The following ACTN1 variants were observed in gnomAD, a reference collection of about 807,000 sequenced individuals.
The protein encoded by ACTN1 is actinin alpha 1.
ACTN1 carries 30 observed loss-of-function variants against 119.6 expected under a neutral mutation model. That is an observed-to-expected ratio of 0.25 (90% CI 0.19 to 0.34). The LOEUF (loss-of-function observed/expected upper bound fraction) is 0.34, where lower values mean the gene tolerates loss of function less well. Ranked by LOEUF, ACTN1 falls within the 10% of genes least tolerant of loss-of-function variation. ACTN1 has a pLI of 1.00. For missense variants in ACTN1, 764 were observed against 1,223.4 expected, an observed-to-expected ratio of 0.62 and a Z score of 5.60; for synonymous variants, 429 against 472.6, an observed-to-expected ratio of 0.91 and a Z score of 1.20.
chr14:68,935,689 G>C (rs2035469479), intron 1 of ACTN1, among the ~76,000 whole-genome samples: 1 of 152,078 alleles, frequency 6.6e-6, no homozygotes. Context: ...CCCGGCTAGA[G>C]CGCTCTATTC....
chr14:68,884,396 G>A, intron 13 of ACTN1, 88 bp from the exon 14 acceptor site: 1 of 1,464,868 alleles, frequency 6.8e-7, no homozygotes. Context: ...TGAGCCCCAG[G>A]TCTAGAAGCA....
chr14:68,882,841 T>C lies in ACTN1; in HGVS notation c.1818+32A>G, dbSNP rs550781697. ...CAAAAATCCCTGCCTTTATGAAACTTACAATGGCTCGGCCCATGCCCTTCA... is the reference window on the plus strand; with the variant it reads ...CAAAAATCCCTGCCTTTATGAAACTCACAATGGCTCGGCCCATGCCCTTCA... On this transcript the variant is annotated intron_variant, in intron 15 of 21. Transcript: ENST00000394419. This position sits in a 1 kb window ranked among gnomAD's most constrained non-coding sequence, Gnocchi z 4.5. 1.3e-6 allele frequency: 2 copies of C among 1,599,756 alleles called. No individual in the cohort carries two copies. Among genetic ancestry groups the C allele is most frequent in the South Asian group, 2.2e-5 (2 of 90,442 alleles).
intron 6 of ACTN1, among the ~76,000 whole-genome samples, chr14:68,906,262 T>C (rs11623410): frequency 0.15 from 23,254 of 152,166 alleles, 1,997 homozygotes; most frequent in Non-Finnish European, 0.19. Context: ...TACCAGTTAT[T>C]GTATAAGTTT....
chr14:68,945,449 C>T (rs1024197856), intron 1 of ACTN1, among the ~76,000 whole-genome samples: 2 of 152,132 alleles, frequency 1.3e-5, no homozygotes, highest in Non-Finnish European at 2.9e-5. Context: ...CTGAGTTGGG[C>T]TGGGAGTGCC....
chr14:68,935,124 G>A (rs1290443950), intron 1 of ACTN1, among the ~76,000 whole-genome samples: 1 of 152,092 alleles, frequency 6.6e-6, no homozygotes, highest in Non-Finnish European at 1.5e-5. Flanking sequence ...TCAGGTTCAA[G>A]CTATTCTCCT....
intron 1 of ACTN1, among the ~76,000 whole-genome samples, chr14:68,950,292 CTCAA>C (rs1252811856): frequency 2.5e-5 from 1 of 40,558 alleles, no homozygotes; most frequent in African/African-American, 2.4e-4. Flanking sequence ...GAGTTGTTGT[CTCAA>C]AAAAAAAAAA....
intron 1 of ACTN1, among the ~76,000 whole-genome samples, chr14:68,969,398 C>G (rs1466746609): frequency 6.6e-6 from 1 of 152,156 alleles, no homozygotes; most frequent in Non-Finnish European, 1.5e-5. Flanking sequence ...TCCTGCATCT[C>G]CCAGCTCCCA....
chr14:68,905,921 T>G (rs1256279335), intron 6 of ACTN1, among the ~76,000 whole-genome samples: 13 of 148,414 alleles, frequency 8.8e-5, no homozygotes, highest in Admixed American at 6.1e-4. Context: ...AGGCAGAGGT[T>G]GCAATGAGCC....
At chr14:68,978,674 T>G in intron 1 of ACTN1, 2 of 315,468 alleles carry the variant, frequency 6.3e-6, no homozygotes, top group Non-Finnish European at 5.8e-6. Flanking sequence ...AGCCGCAGGG[T>G]GGCCTGGACC....
At chr14:68,875,210 A>T in intron 21 of ACTN1, 193 bp from the exon 22 acceptor site, 2 of 1,442,780 alleles carry the variant, frequency 1.4e-6, no homozygotes, top group East Asian at 2.5e-5. Context: ...ATGTATTTTT[A>T]AAATTCTCTC....
chr14:68,880,702 T>A lies in ACTN1; in HGVS notation c.2133+108A>T, dbSNP rs2140073811. On this transcript the variant is annotated intron_variant, in intron 17 of 21. Transcript: ENST00000394419. This position sits in a 1 kb window ranked among gnomAD's most constrained non-coding sequence, Gnocchi z 4.6. ...AGATGTGAGGCTTCAGGGGTGAAGT[T>A]AATTTATCCTCCAACTATGACCTGT... The A allele has an allele frequency of 4.2e-6, 5 of 1,194,754 alleles. No individual in the cohort carries two copies. In the East Asian group the frequency reaches 1.2e-4, roughly 28 times the overall value. 74.0% of individuals were successfully genotyped at this position (1,194,754 alleles called of 1,614,324 possible).
At chr14:68,973,046 G>T (rs2036941277) in intron 1 of ACTN1, among the ~76,000 whole-genome samples, 1 of 152,204 alleles carries the variant, frequency 6.6e-6, no homozygotes. Flanking sequence ...CCCATCACTA[G>T]ACCAGACTCA....
chr14:68,971,679 C>T lies in ACTN1; in HGVS notation c.105+7273G>A, dbSNP rs140256267. On this transcript the variant is annotated intron_variant, in intron 1 of 21. Transcript: ENST00000394419. Reference sequence around the variant, plus strand: ...CACTGACAAACGCATCTGACATACACTCCATGTGCAAGAAGGGTTTCCCTA... The same window carrying T: ...CACTGACAAACGCATCTGACATACATTCCATGTGCAAGAAGGGTTTCCCTA... Among the ~76,000 whole-genome samples, 5 of 152,354 alleles carry T rather than the reference C, an allele frequency of 3.3e-5. No homozygotes were observed. The East Asian group carries it at 9.7e-4, about 29-fold the overall frequency.
chr14:68,931,552 G>T (rs1314570500), intron 1 of ACTN1, among the ~76,000 whole-genome samples: 3 of 152,170 alleles, frequency 2.0e-5, no homozygotes, highest in Non-Finnish European at 4.4e-5. Flanking sequence ...TAGGCCAGTG[G>T]TGAGGAATGG....
At chr14:68,950,347 G>A (rs2036096938) in intron 1 of ACTN1, among the ~76,000 whole-genome samples, 1 of 149,590 alleles carries the variant, frequency 6.7e-6, no homozygotes, top group Non-Finnish European at 1.5e-5. Context: ...TGCTGGTGAT[G>A]GTTACGCAAC....
chr14:68,944,356 G>T (rs1171637423), intron 1 of ACTN1, among the ~76,000 whole-genome samples: 1 of 152,210 alleles, frequency 6.6e-6, no homozygotes, highest in Non-Finnish European at 1.5e-5. Context: ...CCTCACGCAG[G>T]CCACTGCAGA....
At position 68,879,201 on chromosome 14, in the gene ACTN1, G is replaced by C. The variant is rs547939498; in HGVS notation, c.2281-132C>G. 3.7e-6 allele frequency: 1 copy of C among 268,584 alleles called. No individual in the cohort carries two copies. The highest frequency in any genetic ancestry group is 2.4e-5 in the African/African-American group (1 of 41,038). The allele number at this position is 268,584 out of a possible 1,614,324, so 16.6% of individuals were successfully genotyped here. Reference sequence around the variant, plus strand: ...CAGGCATGCGGAGGGAGGGTGGGGGGGCGGGGGAGGAGGGGAAATAAAAGT... The same window carrying C: ...CAGGCATGCGGAGGGAGGGTGGGGGCGCGGGGGAGGAGGGGAAATAAAAGT... On this transcript the variant is annotated intron_variant, in intron 18 of 21. Coordinates refer to ENST00000394419, the MANE Select transcript of ACTN1 (RefSeq NM_001130004.2). The surrounding 1 kb of genome is among the most constrained non-coding windows in gnomAD (Gnocchi z 4.9).
At position 68,893,810 on chromosome 14, in the gene ACTN1, AC is replaced by A; in HGVS notation, c.763-64del. The A allele has an allele frequency of 4.6e-6, 7 of 1,509,750 alleles. 1 individual carries two copies. In the South Asian group the frequency reaches 8.0e-5, roughly 17 times the overall value. The allele number at this position is 1,509,750 out of a possible 1,614,324, so 93.5% of individuals were successfully genotyped here. ...CCAGCAGCAGGGGCACCTGGTACAC[AC>A]CTGTGCTGACAAAGCCCCTCCCATC... On this transcript the variant is annotated intron_variant, in intron 8 of 21. Coordinates refer to ENST00000394419, the MANE Select transcript of ACTN1 (RefSeq NM_001130004.2).
At chr14:68,946,032 C>G (rs1426069266) in intron 1 of ACTN1, among the ~76,000 whole-genome samples, 1 of 152,144 alleles carries the variant, frequency 6.6e-6, no homozygotes, top group Non-Finnish European at 1.5e-5. Flanking sequence ...GATGCAGGAG[C>G]CAGAATTCCA....
Sources: allele counts gnomAD v4.1 joint callset (sites outside exome capture counted in the v4.1 genomes callset), GRCh38; gene constraint gnomAD v4.1.1; non-coding constraint Gnocchi (gnomAD v3.1); transcripts MANE v1.5; gene names NCBI Gene and HGNC (gene_info 2026-07-23, HGNC 2026-07-21).